PDE4D: variants seen among roughly 807,000 people sequenced by gnomAD.
PDE4D encodes the protein 3',5'-cyclic-AMP phosphodiesterase 4D.
PDE4D carries 24 observed loss-of-function variants against 87.4 expected under a neutral mutation model. That is an observed-to-expected ratio of 0.27 (90% CI 0.20 to 0.39). PDE4D has a LOEUF of 0.39. Ranked by LOEUF, PDE4D falls within the 10% of genes least tolerant of loss-of-function variation. The pLI is 1.00. For missense variants in PDE4D, 714 were observed against 1,041.0 expected (o/e 0.69, Z 4.32); for synonymous variants, 384 against 383.2 (o/e 1.00, Z -0.02).
chr5:60,451,460 C>T (rs1001727250), intron 1 of PDE4D, among the ~76,000 whole-genome samples: 1 of 152,044 alleles, frequency 6.6e-6, no homozygotes, highest in African/African-American at 2.4e-5. Context: ...AGTGAGTTCA[C>T]AGCAAGCAAT....
At chr5:59,278,914 TATC>T (rs1345140091) in intron 1 of PDE4D, among the ~76,000 whole-genome samples, 1 of 152,100 alleles carries the variant, frequency 6.6e-6, no homozygotes, top group African/African-American at 2.4e-5. Context: ...CCCTTTCTCT[TATC>T]ATCCAATGGT....
intron 6 of PDE4D, among the ~76,000 whole-genome samples, chr5:59,031,384 TA>T (rs1384000043): frequency 3.0e-4 from 13 of 42,656 alleles, no homozygotes; most frequent in African/African-American, 1.0e-3. Context: ...TATATATATA[TA>T]TATATATTAT....
intron 1 of PDE4D, among the ~76,000 whole-genome samples, chr5:59,471,523 A>G (rs141977368): frequency 1.1e-4 from 16 of 152,360 alleles, no homozygotes; most frequent in African/African-American, 3.6e-4. Flanking sequence ...ATAAACTATT[A>G]ACTGACACAG....
intron 1 of PDE4D, among the ~76,000 whole-genome samples, chr5:59,532,523 C>G (rs1375357887): frequency 1.3e-5 from 2 of 152,132 alleles, no homozygotes; most frequent in African/African-American, 4.8e-5. Flanking sequence ...TCACTTTGCC[C>G]ACTTCATAGA....
At chr5:58,982,834 T>G (rs568422314) in intron 11 of PDE4D, among the ~76,000 whole-genome samples, 1 of 152,322 alleles carries the variant, frequency 6.6e-6, no homozygotes, top group Admixed American at 6.5e-5. Flanking sequence ...CCAAGTTGAC[T>G]AGTATCTACA....
At chr5:60,396,343 G>C (rs1762881432) in intron 1 of PDE4D, among the ~76,000 whole-genome samples, 2 of 152,084 alleles carry the variant, frequency 1.3e-5, no homozygotes, top group Admixed American at 1.3e-4. Context: ...ACTGGGTTGG[G>C]CTGCTGCCAC....
chr5:60,189,129 G>T (rs914536296), intron 1 of PDE4D, among the ~76,000 whole-genome samples: 14 of 152,198 alleles, frequency 9.2e-5, no homozygotes, highest in African/African-American at 3.1e-4. Flanking sequence ...TACGATAGGA[G>T]TTTCCACATA....
At chr5:59,738,965 A>G (rs777571990) in intron 1 of PDE4D, among the ~76,000 whole-genome samples, 8 of 152,150 alleles carry the variant, frequency 5.3e-5, no homozygotes, top group Non-Finnish European at 1.0e-4. Flanking sequence ...ATAAAGGTGA[A>G]CATTGACCTG....
chr5:59,545,093 A>G (rs546476634), intron 1 of PDE4D, among the ~76,000 whole-genome samples: 27 of 152,338 alleles, frequency 1.8e-4, no homozygotes, highest in Admixed American at 1.7e-3. Context: ...CAGCCAAAAT[A>G]TAACTATGCC....
intron 1 of PDE4D, among the ~76,000 whole-genome samples, chr5:60,409,975 C>T (rs1482724249): frequency 6.6e-6 from 1 of 152,118 alleles, no homozygotes; most frequent in East Asian, 1.9e-4. Flanking sequence ...GGATTTCTGC[C>T]CCATTCCTGT....
chr5:60,373,816 T>C (rs542843682), intron 1 of PDE4D, among the ~76,000 whole-genome samples: 1 of 152,328 alleles, frequency 6.6e-6, no homozygotes, highest in East Asian at 1.9e-4. Context: ...CCTTGGCTCA[T>C]GGCCCCTTCC....
intron 1 of PDE4D, among the ~76,000 whole-genome samples, chr5:60,506,647 C>A (rs1750337243): frequency 6.6e-6 from 1 of 151,602 alleles, no homozygotes; most frequent in Admixed American, 6.6e-5. Flanking sequence ...CAAGAGAGGC[C>A]AGAGTTGCAA....
intron 1 of PDE4D, among the ~76,000 whole-genome samples, chr5:59,797,597 C>A (rs752840592): frequency 2.0e-5 from 3 of 152,124 alleles, no homozygotes; most frequent in Non-Finnish European, 2.9e-5. Context: ...CCAGAGACAT[C>A]CAGAGATAGA....
At chr5:59,337,973 T>G (rs1778020918) in intron 1 of PDE4D, among the ~76,000 whole-genome samples, 1 of 152,190 alleles carries the variant, frequency 6.6e-6, no homozygotes, top group Non-Finnish European at 1.5e-5. Context: ...CTGATTTTCT[T>G]TGGTAGAAGA....
In PDE4D at chr5:59,268,263, A is replaced by G. The variant is rs148402292; in HGVS notation, c.456-52295T>C. Among the ~76,000 whole-genome samples, 172 of 152,064 alleles carry G rather than the reference A, an allele frequency of 1.1e-3. 1 individual carries two copies. The highest frequency in any genetic ancestry group is 4.3e-4 in the Non-Finnish European group (29 of 68,000). On this transcript the variant is annotated intron_variant, in intron 1 of 14. Transcript: ENST00000340635. ...CTTAGGACAGATAATAAATACTTACAATATTGCCCCTGTCATGCTAAAAAA... is the reference window on the plus strand; with the variant it reads ...CTTAGGACAGATAATAAATACTTACGATATTGCCCCTGTCATGCTAAAAAA...
chr5:59,239,043 A>G (rs1214746583), intron 1 of PDE4D, among the ~76,000 whole-genome samples: 1 of 152,216 alleles, frequency 6.6e-6, no homozygotes, highest in Non-Finnish European at 1.5e-5. Flanking sequence ...AGCAACAGCA[A>G]ACATGGGAGA....
At chr5:59,260,765 C>A (rs1255516441) in intron 1 of PDE4D, among the ~76,000 whole-genome samples, 1 of 151,398 alleles carries the variant, frequency 6.6e-6, no homozygotes, top group Non-Finnish European at 1.5e-5. Flanking sequence ...GGAGGGATGA[C>A]CAAGCATATA....
At position 58,975,105 on chromosome 5, in the gene PDE4D, G is replaced by C. The variant is rs745700307; in HGVS notation, c.2014-25C>G. 1 of 1,404,928 alleles carries C rather than the reference G, an allele frequency of 7.1e-7. No homozygotes were observed. The highest frequency in any genetic ancestry group is 2.5e-5 in the Admixed American group (1 of 39,638). 87.0% of individuals were successfully genotyped at this position (1,404,928 alleles called of 1,614,324 possible). On this transcript the variant is annotated intron_variant, in intron 14 of 14. Coordinates refer to ENST00000340635, the MANE Select transcript of PDE4D (RefSeq NM_001104631.2). This position sits in a 1 kb window ranked among gnomAD's most constrained non-coding sequence, Gnocchi z 4.2. ...CCTAGTTAAGAAAAAAATCCAGTATGAGTAGAGGACTTGGGACTAAGAAAC... is the reference window on the plus strand; with the variant it reads ...CCTAGTTAAGAAAAAAATCCAGTATCAGTAGAGGACTTGGGACTAAGAAAC...
rs549037279 is a variant in PDE4D, at chr5:59,292,411, A to G, written c.456-76443T>C. ...TTTTTAGGCCTCACTACTTATATCT[A>G]ACATATTAACATGGACCCACTTTCC... is the stretch of plus-strand genomic sequence containing the variant. On this transcript the variant is annotated intron_variant, in intron 1 of 14. Transcript: ENST00000340635. Among the ~76,000 whole-genome samples the G allele has an allele frequency of 2.0e-5, 3 of 152,294 alleles. No homozygotes were observed. The South Asian group carries it at 6.2e-4, about 32-fold the overall frequency.
Sources: gnomAD v4.1 joint callset for allele counts (sites outside exome capture counted in the v4.1 genomes callset) on GRCh38, gnomAD v4.1.1 for gene constraint, Gnocchi (gnomAD v3.1) non-coding constraint, MANE v1.5 for transcripts, NCBI Gene and HGNC (gene_info 2026-07-23, HGNC 2026-07-21) for gene names.